ZNF45: variants seen among roughly 807,000 people sequenced by gnomAD.
ZNF45 encodes BRC1744.
ZNF45 carries 4 observed loss-of-function variants against 12.0 expected under a neutral mutation model. The observed-to-expected ratio is 0.33, with a 90% CI of 0.16 to 0.76. The LOEUF (loss-of-function observed/expected upper bound fraction) is 0.76, where lower values mean the gene tolerates loss of function less well. Among genes scored for constraint, ZNF45 ranks in the 30% least tolerant of loss-of-function variants. The pLI is 0.60. For synonymous variants in ZNF45, 272 were observed against 279.6 expected, an observed-to-expected ratio of 0.97 and a Z score of 0.27; for missense variants, 700 against 813.0, an observed-to-expected ratio of 0.86 and a Z score of 1.69.
chr19:43,924,957 C>T (rs1973550322), intron 4 of ZNF45, among the ~76,000 whole-genome samples: 1 of 152,178 alleles, frequency 6.6e-6, no homozygotes, highest in Non-Finnish European at 1.5e-5. Context: ...CAGGGAGCCC[C>T]TCCCTTGCTG....
At chr19:43,922,982 T>C (rs1256755069) in intron 6 of ZNF45, among the ~76,000 whole-genome samples, 2 of 151,600 alleles carry the variant, frequency 1.3e-5, no homozygotes, top group Non-Finnish European at 2.9e-5. Context: ...TGCACCACAA[T>C]GTCCAGCTAA....
intron 3 of ZNF45, 121 bp from the exon 4 acceptor site, chr19:43,925,579 T>C (rs1708944909): frequency 1.3e-5 from 2 of 152,210 alleles, no homozygotes; most frequent in Non-Finnish European, 2.9e-5. Context: ...ACCCTTACTA[T>C]TGAAAAGGGA....
intron 7 of ZNF45, among the ~76,000 whole-genome samples, chr19:43,920,535 T>TGGGGGGGGGGGGGGGG (rs386389071): frequency 9.0e-5 from 2 of 22,346 alleles, no homozygotes; most frequent in Non-Finnish European, 1.2e-4. Context: ...TGTTGCCGGG[T>TGGGGGGGGGGGGGGGG]GGGGGGGGGG....
At chr19:43,923,014 C>T (rs375581428) in intron 6 of ZNF45, among the ~76,000 whole-genome samples, 47 of 151,550 alleles carry the variant, frequency 3.1e-4, no homozygotes, top group East Asian at 1.7e-3. Context: ...TTTGTAGAGA[C>T]GAGGTCATGC....
At chr19:43,929,686 T>A (rs1387866141) in intron 3 of ZNF45, among the ~76,000 whole-genome samples, 2 of 152,164 alleles carry the variant, frequency 1.3e-5, no homozygotes, top group African/African-American at 4.8e-5. Flanking sequence ...ATTCATCCTA[T>A]TTAGCCAGAC....
chr19:43,914,363 T>C lies in ZNF45; in HGVS notation c.1073A>G (p.Lys358Arg). 1 of 1,612,872 alleles carries C rather than the reference T, an allele frequency of 6.2e-7. No homozygotes were observed. Among genetic ancestry groups the C allele is most frequent in the South Asian group, 1.1e-5 (1 of 90,986 alleles). ...CCCACACTCCTCACACTTATAGGGT[T>C]TCTCTCCTGTGTGGATTCTACAATG... ...NIHCRIHTGE[K>R]PYKCEECGKG... The change falls in exon 10 of 10, where the codon AAA becomes AGA. Residue 358 changes from lysine (K) to arginine (R), a missense_variant. Physicochemically the swap from Lys to Arg is conservative, Grantham distance 26 (BLOSUM62 2). Coordinates refer to ENST00000269973, the MANE Select transcript of ZNF45 (RefSeq NM_003425.4).
chr19:43,916,126 G>GT lies in ZNF45; in HGVS notation c.236-927dup, dbSNP rs1412645853. ...GCCACCGGCACCTGGCCTTCTTTTT[G>GT]TTTTTTTGAGACAGAGTCTCACTCT... On this transcript the variant is annotated intron_variant, in intron 9 of 9. Coordinates refer to ENST00000269973, the MANE Select transcript of ZNF45 (RefSeq NM_003425.4). Among the ~76,000 whole-genome samples, 3 of 151,666 alleles carry GT rather than the reference G, an allele frequency of 2.0e-5. No individual in the cohort carries two copies. In the East Asian group the frequency reaches 5.8e-4, roughly 30 times the overall value.
chr19:43,927,516 T>C (rs1973785990), intron 3 of ZNF45, among the ~76,000 whole-genome samples: 1 of 152,172 alleles, frequency 6.6e-6, no homozygotes. Flanking sequence ...AAAGATGATA[T>C]TATAATGGGC....
intron 9 of ZNF45, among the ~76,000 whole-genome samples, chr19:43,915,798 T>C (rs1409917113): frequency 6.6e-6 from 1 of 152,134 alleles, no homozygotes; most frequent in African/African-American, 2.4e-5. Flanking sequence ...CCCCAGTCTG[T>C]GGAAAAACCA....
intron 6 of ZNF45, 150 bp downstream of exon 6, chr19:43,924,088 G>GC (rs1405683768): frequency 1.1e-4 from 17 of 151,820 alleles, no homozygotes; most frequent in African/African-American, 4.1e-4. Context: ...CAAGATTTAT[G>GC]CAACTATAAA....
chr19:43,928,373 G>A (rs1403976700), intron 3 of ZNF45, among the ~76,000 whole-genome samples: 1 of 152,092 alleles, frequency 6.6e-6, no homozygotes, highest in Non-Finnish European at 1.5e-5. Context: ...ATCAGAGGGT[G>A]GAGGGTGGGA....
Position 43,913,663 on chromosome 19 carries a change from C to T in ZNF45, c.1773G>A (p.Lys591=). 6.2e-7 allele frequency: 1 copy of T among 1,614,052 alleles called. No homozygotes were observed. Among genetic ancestry groups the T allele is most frequent in the Non-Finnish European group, 8.5e-7 (1 of 1,180,012 alleles). The change falls in exon 10 of 10, where the codon AAG becomes AAA. Residue 591 remains lysine (K), a synonymous_variant. Coordinates refer to ENST00000269973, the MANE Select transcript of ZNF45 (RefSeq NM_003425.4). ...GAAGGTAGGATCTCTGTCTGAAGCG[C>T]TTACCACACACATCACATCGGTATG... ...EKPYRCDVCG[K]RFRQRSYLQA...
At chr19:43,923,469 T>A (rs920056392) in intron 6 of ZNF45, among the ~76,000 whole-genome samples, 4 of 152,160 alleles carry the variant, frequency 2.6e-5, no homozygotes, top group Non-Finnish European at 5.9e-5. Flanking sequence ...AAATTAAGCT[T>A]TATCATAAGT....
rs568792649 is a variant in ZNF45, at chr19:43,913,961, C to T, written c.1475G>A (p.Arg492Lys). The T allele has an allele frequency of 1.7e-5, 28 of 1,603,674 alleles. No homozygotes were observed. In the South Asian group the frequency reaches 3.1e-4, roughly 18 times the overall value. Residue 492 changes from arginine (R) to lysine (K), a missense_variant, in exon 10 of 10, where the codon AGA (arginine) becomes AAA (lysine). Physicochemically the swap from Arg to Lys is conservative, Grantham distance 26 (BLOSUM62 2). Transcript: ENST00000269973. ...SRSSDLNVHCRIHTGEKPYKC... is the reference protein window; with the variant it reads ...SRSSDLNVHCKIHTGEKPYKC... The stretch of plus-strand genomic sequence containing the variant: ...ATAGGGTTTCTCTCCTGTGTGGATT[C>T]TACAGTGTACATTAAGATCTGAGCT...
chr19:43,927,558 C>T (rs976252621), intron 3 of ZNF45, among the ~76,000 whole-genome samples: 8 of 151,926 alleles, frequency 5.3e-5, no homozygotes, highest in South Asian at 4.1e-4. Flanking sequence ...CAATATATAG[C>T]GAGAGACACT....
At chr19:43,927,889 T>A (rs1261114803) in intron 3 of ZNF45, among the ~76,000 whole-genome samples, 2 of 152,146 alleles carry the variant, frequency 1.3e-5, no homozygotes, top group East Asian at 3.9e-4. Context: ...AAAAAAGATG[T>A]CCTGGCTGGG....
chr19:43,921,756 G>A (rs1973204930), intron 7 of ZNF45, among the ~76,000 whole-genome samples: 2 of 152,174 alleles, frequency 1.3e-5, no homozygotes, highest in African/African-American at 4.8e-5. Flanking sequence ...ACACACCACA[G>A]AGTAACATCA....
rs560002774 is a variant in ZNF45, at chr19:43,913,607, C to T, written c.1829G>A (p.Arg610Lys). ...CCCACATTCCTCACATTTGTATGGTCTCTCTCCTGTGTGGACCCTCTGGTG... is the reference window on the plus strand; with the variant it reads ...CCCACATTCCTCACATTTGTATGGTTTCTCTCCTGTGTGGACCCTCTGGTG... ...QAHQRVHTGE[R>K]PYKCEECGKV... Residue 610 changes from arginine (R) to lysine (K), a missense_variant, in exon 10 of 10, where the codon AGA becomes AAA. Physicochemically the swap from Arg to Lys is conservative, Grantham distance 26. Transcript: ENST00000269973. 1.9e-6 allele frequency: 3 copies of T among 1,613,428 alleles called. No individual in the cohort carries two copies. The African/African-American group carries it at 4.0e-5, about 22-fold the overall frequency.
intron 9 of ZNF45, among the ~76,000 whole-genome samples, chr19:43,916,404 C>T (rs1441658684): frequency 1.3e-5 from 2 of 152,298 alleles, no homozygotes; most frequent in African/African-American, 2.4e-5. Context: ...CTGTGAGCCC[C>T]CACGCCTGGC....
Sources: allele counts gnomAD v4.1 joint callset (sites outside exome capture counted in the v4.1 genomes callset), GRCh38; gene constraint gnomAD v4.1.1; transcripts MANE v1.5; gene names NCBI Gene and HGNC (gene_info 2026-07-23, HGNC 2026-07-21).